ADCY1: variants seen among roughly 807,000 people sequenced by gnomAD.
ADCY1 encodes adenylate cyclase type 1.
In ADCY1, 28 loss-of-function variants were observed where a neutral mutation model predicts 105.4. The ratio of observed to expected loss-of-function variants is 0.27; its 90% CI spans 0.20 to 0.36. The LOEUF (loss-of-function observed/expected upper bound fraction) is 0.36, where lower values mean the gene tolerates loss of function less well. Ranked by LOEUF, ADCY1 falls within the 10% of genes least tolerant of loss-of-function variation. The pLI, the probability that ADCY1 is intolerant of heterozygous loss-of-function variation, is 1.00. For synonymous variants in ADCY1, 655 were observed against 623.8 expected, an observed-to-expected ratio of 1.05 and a Z score of -0.75; for missense variants, 977 against 1,434.2, an observed-to-expected ratio of 0.68 and a Z score of 5.15.
chr7:45,585,425 T>A (rs75659551), intron 1 of ADCY1, among the ~76,000 whole-genome samples: 4,589 of 150,714 alleles, frequency 0.03, 95 homozygotes, highest in African/African-American at 0.055. Context: ...CAGGGTCCCA[T>A]TGGGTGGGTA....
chr7:45,723,019 T>C lies in ADCY1; in HGVS notation c.*9024T>C, dbSNP rs1375669269. The stretch of plus-strand genomic sequence containing the variant: ...AATGGACTGAAATGTTAAATGTGAA[T>C]GTACATTTCTTAATTGCAACTTTTC... On this transcript the variant is annotated 3_prime_UTR_variant, in exon 20 of 20. Coordinates refer to ENST00000297323, the MANE Select transcript of ADCY1 (RefSeq NM_021116.4). The C allele has an allele frequency of 6.5e-6, 1 of 152,782 alleles. No homozygotes were observed. Among genetic ancestry groups the C allele is most frequent in the East Asian group, 1.9e-4 (1 of 5,186 alleles). The allele number at this position is 152,782 out of a possible 1,614,324, so 9.5% of individuals were successfully genotyped here.
At chr7:45,654,537 T>C (rs2116087122) in intron 5 of ADCY1, among the ~76,000 whole-genome samples, 1 of 152,342 alleles carries the variant, frequency 6.6e-6, no homozygotes, top group South Asian at 2.1e-4. Context: ...AAGGGATGCC[T>C]GCTGGCCTTG....
intron 19 of ADCY1, among the ~76,000 whole-genome samples, chr7:45,711,880 A>G (rs1179587236): frequency 6.1e-5 from 7 of 113,962 alleles, no homozygotes; most frequent in Non-Finnish European, 1.0e-4. Flanking sequence ...TATTAAATAT[A>G]TAAATATATT....
At chr7:45,652,445 AG>A (rs1794834893) in intron 5 of ADCY1, among the ~76,000 whole-genome samples, 1 of 152,228 alleles carries the variant, frequency 6.6e-6, no homozygotes, top group Non-Finnish European at 1.5e-5. Flanking sequence ...AAATTGCTGC[AG>A]GTGCAGGCAA....
intron 14 of ADCY1, among the ~76,000 whole-genome samples, chr7:45,690,500 C>T (rs185101529): frequency 1.3e-5 from 2 of 152,358 alleles, no homozygotes; most frequent in East Asian, 1.9e-4. Flanking sequence ...TCTCCTCCCT[C>T]GCTACTGGCC....
chr7:45,602,151 T>TA (rs765512181), intron 2 of ADCY1, among the ~76,000 whole-genome samples: 7 of 151,704 alleles, frequency 4.6e-5, no homozygotes, highest in Non-Finnish European at 8.8e-5. Flanking sequence ...TCACAGGTAT[T>TA]ACTTTTGGTA....
intron 4 of ADCY1, among the ~76,000 whole-genome samples, chr7:45,640,046 T>C (rs1794495095): frequency 6.6e-6 from 1 of 152,214 alleles, no homozygotes; most frequent in Non-Finnish European, 1.5e-5. Context: ...TAAGGGAATA[T>C]AAGACAAGTG....
In ADCY1 at chr7:45,694,843, A is replaced by G. The variant is rs192315978; in HGVS notation, c.2454+8170A>G. Among the ~76,000 whole-genome samples, 314 of 152,322 alleles carry G rather than the reference A, an allele frequency of 2.1e-3. 1 individual carries two copies. The highest frequency in any genetic ancestry group is 7.4e-3 in the African/African-American group (308 of 41,574). ...TAAGGTTTTTTATTCTTGCCAGTGGAGGCAGGAACAATTCTCAGCATTGCA... is the reference window on the plus strand; with the variant it reads ...TAAGGTTTTTTATTCTTGCCAGTGGGGGCAGGAACAATTCTCAGCATTGCA... On this transcript the variant is annotated intron_variant, in intron 14 of 19. Transcript: ENST00000297323.
rs1025360768 is a variant in ADCY1 at position 45,591,685 on chromosome 7, T to A, written c.640-1074T>A. On this transcript the variant is annotated intron_variant, in intron 1 of 19. Coordinates refer to ENST00000297323, the MANE Select transcript of ADCY1 (RefSeq NM_021116.4). The surrounding 1 kb of genome is among the most constrained non-coding windows in gnomAD (Gnocchi z 4.1). ...CCTCTGGCAGGACATGCCATGGCCC[T>A]GCATGGCTCGTCAGAGTTGCCTGTG... is the stretch of plus-strand genomic sequence containing the variant. Among the ~76,000 whole-genome samples the A allele has an allele frequency of 6.6e-6, 1 of 152,250 alleles. No homozygotes were observed. The highest frequency in any genetic ancestry group is 1.5e-5 in the Non-Finnish European group (1 of 68,042).
At chr7:45,649,639 C>T (rs1054889198) in intron 5 of ADCY1, among the ~76,000 whole-genome samples, 2 of 152,260 alleles carry the variant, frequency 1.3e-5, no homozygotes, top group African/African-American at 4.8e-5. Flanking sequence ...CCCTTTGCCC[C>T]ATCACTGCCT....
rs370315088 is a variant in ADCY1, at chr7:45,697,378, CT to C, written c.2455-5997del. ...CATAGCTTCACTGTTAGCACGAGCT[CT>C]CTTTACCTTTTTTTTTTTTTTTTTT... On this transcript the variant is annotated intron_variant, in intron 14 of 19. Coordinates refer to ENST00000297323, the MANE Select transcript of ADCY1 (RefSeq NM_021116.4). 1.3e-3 allele frequency among the ~76,000 whole-genome samples: 194 copies of C among 144,648 alleles called. 3 individuals carry two copies. The highest frequency in any genetic ancestry group is 4.8e-3 in the African/African-American group (189 of 39,488). The allele number at this position is 144,648 out of a possible 152,430, so 94.9% of individuals were successfully genotyped here. A position where few individuals can be genotyped will look rare whatever the true frequency, so the allele number is the denominator to read the frequency against.
chr7:45,678,543 A>G lies in ADCY1; in HGVS notation c.1898+280A>G, dbSNP rs1044819612. On this transcript the variant is annotated intron_variant, in intron 10 of 19. Coordinates refer to ENST00000297323, the MANE Select transcript of ADCY1 (RefSeq NM_021116.4). ...TTTACTTAATTCTAAGACACAATAT[A>G]TTTTCATGCTTTTTCATCCATGCAA... Among the ~76,000 whole-genome samples the G allele has an allele frequency of 3.3e-5, 5 of 152,074 alleles. No individual in the cohort carries two copies. In the East Asian group the frequency reaches 7.7e-4, roughly 23 times the overall value.
At chr7:45,664,392 A>G (rs761758917) in intron 8 of ADCY1, 3 of 1,535,890 alleles carry the variant, frequency 2.0e-6, no homozygotes, top group African/African-American at 2.7e-5. Flanking sequence ...GTCCTGCCCA[A>G]CAGCCACTGT....
intron 3 of ADCY1, among the ~76,000 whole-genome samples, chr7:45,619,089 T>G (rs116510571): frequency 3.3e-5 from 5 of 152,312 alleles, no homozygotes; most frequent in African/African-American, 1.2e-4. Flanking sequence ...GGATGTTATA[T>G]TAAGTGAAAT....
intron 14 of ADCY1, among the ~76,000 whole-genome samples, chr7:45,689,778 G>A (rs1195357780): frequency 6.6e-6 from 1 of 152,230 alleles, no homozygotes; most frequent in Non-Finnish European, 1.5e-5. Context: ...CGGCCACAGT[G>A]GGTTTGAGAG....
rs111369294 is a variant in ADCY1 at position 45,714,211 on chromosome 7, G to A, written c.*216G>A. 2.6e-5 allele frequency: 15 copies of A among 579,082 alleles called. No individual in the cohort carries two copies. The highest frequency in any genetic ancestry group is 9.3e-5 in the African/African-American group (5 of 53,608). 35.9% of individuals were successfully genotyped at this position (579,082 alleles called of 1,614,324 possible). ...GTGACTCGGTGAGGGGAGGACACCC[G>A]ACTGTGCACACTTCCAGGCCTCCCT... On this transcript the variant is annotated 3_prime_UTR_variant, in exon 20 of 20. Coordinates refer to ENST00000297323, the MANE Select transcript of ADCY1 (RefSeq NM_021116.4).
At chr7:45,580,509 A>G (rs925385551) in intron 1 of ADCY1, among the ~76,000 whole-genome samples, 7 of 152,188 alleles carry the variant, frequency 4.6e-5, no homozygotes, top group Non-Finnish European at 7.3e-5. Flanking sequence ...GGGAAGCTGC[A>G]GTCTATTGGG....
intron 4 of ADCY1, among the ~76,000 whole-genome samples, chr7:45,623,226 C>G (rs923430434): frequency 6.6e-6 from 1 of 152,256 alleles, no homozygotes; most frequent in Admixed American, 6.5e-5. Context: ...AGTGGCCACC[C>G]TTGCCCTCAG....
intron 19 of ADCY1, among the ~76,000 whole-genome samples, chr7:45,711,500 A>T (rs1183462504): frequency 6.6e-6 from 1 of 151,514 alleles, no homozygotes; most frequent in Non-Finnish European, 1.5e-5. Context: ...ACAGTAAGGT[A>T]TACATTGAAT....
Sources: allele counts gnomAD v4.1 joint callset (sites outside exome capture counted in the v4.1 genomes callset), GRCh38; gene constraint gnomAD v4.1.1; non-coding constraint Gnocchi (gnomAD v3.1); transcripts MANE v1.5; gene names NCBI Gene and HGNC (gene_info 2026-07-23, HGNC 2026-07-21).